RBM17: variants seen among roughly 807,000 people sequenced by gnomAD.
RBM17 encodes the protein splicing factor 45.
Under a neutral mutation model 53.2 loss-of-function variants are expected in RBM17, and 7 were observed. The ratio of observed to expected loss-of-function variants is 0.13; its 90% CI spans 0.07 to 0.25. The LOEUF (loss-of-function observed/expected upper bound fraction) is 0.25, where lower values mean the gene tolerates loss of function less well. Among genes scored for constraint, RBM17 ranks in the 10% least tolerant of loss-of-function variants. The pLI is 1.00. For missense variants in RBM17, 257 were observed against 496.7 expected, an observed-to-expected ratio of 0.52 and a Z score of 4.59; for synonymous variants, 167 against 178.1, an observed-to-expected ratio of 0.94 and a Z score of 0.50.
chr10:6,092,943 A>G (rs1840509833), intron 1 of RBM17, among the ~76,000 whole-genome samples: 1 of 152,260 alleles, frequency 6.6e-6, no homozygotes, highest in Non-Finnish European at 1.5e-5. Flanking sequence ...TGGAATTGTC[A>G]GTCAGCCATC....
In RBM17 at chr10:6,089,897, G is replaced by A. The variant is rs1488739173; in HGVS notation, c.-19+704G>A. The A allele has an allele frequency of 6.6e-6, 1 of 152,366 alleles. No homozygotes were observed. Among genetic ancestry groups the A allele is most frequent in the African/African-American group, 2.4e-5 (1 of 41,440 alleles). The allele number at this position is 152,366 out of a possible 1,614,324, so 9.4% of individuals were successfully genotyped here. On this transcript the variant is annotated intron_variant, in intron 1 of 11. Transcript: ENST00000379888. This position sits in a 1 kb window ranked among gnomAD's most constrained non-coding sequence, Gnocchi z 5.6. Reference sequence around the variant, plus strand: ...AGGCGTGAAAACCCAGGCCCGGGTTGATTTGAGAAACGCAAGTGGGGTCTG... The same window carrying A: ...AGGCGTGAAAACCCAGGCCCGGGTTAATTTGAGAAACGCAAGTGGGGTCTG...
intron 1 of RBM17, chr10:6,096,809 C>G (rs1421223056): frequency 4.1e-6 from 1 of 241,700 alleles, no homozygotes; most frequent in Non-Finnish European, 8.0e-6. Context: ...ACTCATGGAT[C>G]ACTTGACTGC....
At chr10:6,113,465 C>A in intron 8 of RBM17, 43 bp from the exon 9 acceptor site, 1 of 1,305,270 alleles carries the variant, frequency 7.7e-7, no homozygotes, top group South Asian at 1.2e-5. Flanking sequence ...TAATGATATG[C>A]TGCTCAGTTC....
At chr10:6,108,558 T>C in intron 5 of RBM17, 128 bp from the exon 6 acceptor site, 1 of 620,198 alleles carries the variant, frequency 1.6e-6, no homozygotes, top group Non-Finnish European at 2.9e-6. Flanking sequence ...GGAGGTCATC[T>C]GAAGTAGCAG....
At chr10:6,105,820 T>C (rs1007082146) in intron 4 of RBM17, among the ~76,000 whole-genome samples, 1 of 152,254 alleles carries the variant, frequency 6.6e-6, no homozygotes, top group Non-Finnish European at 1.5e-5. Flanking sequence ...GAAAGTGTTA[T>C]AGACTATTGA....
rs1209033483 is a variant in RBM17, at chr10:6,117,429, A to G, written c.*1873A>G. The G allele has an allele frequency of 6.6e-6, 1 of 152,136 alleles. No individual in the cohort carries two copies. The highest frequency in any genetic ancestry group is 6.5e-5 in the Admixed American group (1 of 15,276). 9.4% of individuals were successfully genotyped at this position (152,136 alleles called of 1,614,324 possible). ...AAATTTTAAATTTCAATAAAAATTA[A>G]AAATTATGTAAGCTACAATGTAACT... On this transcript the variant is annotated 3_prime_UTR_variant, in exon 12 of 12. Transcript: ENST00000379888.
intron 7 of RBM17, 111 bp downstream of exon 7, chr10:6,110,238 T>TGTGCAG (rs1445989108): frequency 1.0e-6 from 1 of 959,252 alleles, no homozygotes; most frequent in Non-Finnish European, 1.5e-6. Context: ...ACCCTTGGTG[T>TGTGCAG]GTGCAGGTCA....
chr10:6,094,490 T>A (rs896870053), intron 1 of RBM17, among the ~76,000 whole-genome samples: 1 of 152,220 alleles, frequency 6.6e-6, no homozygotes, highest in Non-Finnish European at 1.5e-5. Flanking sequence ...TCCCTTTCCA[T>A]TTTAAGAATA....
chr10:6,095,091 G>A (rs1840552429), intron 1 of RBM17, among the ~76,000 whole-genome samples: 1 of 152,126 alleles, frequency 6.6e-6, no homozygotes, highest in African/African-American at 2.4e-5. Context: ...ATTTTTTCTT[G>A]ATTTGGCCTC....
intron 4 of RBM17, among the ~76,000 whole-genome samples, chr10:6,105,811 A>T (rs1840740423): frequency 6.6e-6 from 1 of 152,244 alleles, no homozygotes; most frequent in Admixed American, 6.5e-5. Context: ...TTCATGAGTG[A>T]AAGTGTTATA....
intron 2 of RBM17, among the ~76,000 whole-genome samples, chr10:6,100,580 G>GTGATGA (rs1004416806): frequency 9.2e-5 from 14 of 152,120 alleles, no homozygotes; most frequent in African/African-American, 3.4e-4. Context: ...GAAGATGATG[G>GTGATGA]TGATGATGAT....
chr10:6,100,732 T>C (rs1172246879), intron 2 of RBM17, among the ~76,000 whole-genome samples: 1 of 152,138 alleles, frequency 6.6e-6, no homozygotes, highest in African/African-American at 2.4e-5. Context: ...GAATGTGAAC[T>C]GGATGGGAAA....
intron 1 of RBM17, among the ~76,000 whole-genome samples, chr10:6,095,789 C>A (rs377467794): frequency 1.3e-5 from 2 of 152,198 alleles, no homozygotes; most frequent in Non-Finnish European, 1.5e-5. Flanking sequence ...CTCCGTCCCC[C>A]ACTCCACACA....
intron 10 of RBM17, 108 bp downstream of exon 10, chr10:6,114,255 G>T (rs1473337191): frequency 3.2e-6 from 2 of 629,882 alleles, no homozygotes; most frequent in East Asian, 5.9e-5. Context: ...TCTTACTGCA[G>T]AAGGTGACAG....
At chr10:6,110,792 C>T (rs1056974486) in intron 7 of RBM17, among the ~76,000 whole-genome samples, 1 of 152,176 alleles carries the variant, frequency 6.6e-6, no homozygotes, top group Non-Finnish European at 1.5e-5. Flanking sequence ...AGAAATGCAG[C>T]CGGTGAGACA....
At chr10:6,092,617 ATAAT>A (rs1322940182) in intron 1 of RBM17, among the ~76,000 whole-genome samples, 7 of 152,192 alleles carry the variant, frequency 4.6e-5, no homozygotes, top group South Asian at 2.1e-4. Flanking sequence ...CAGCATTATA[ATAAT>A]TAAACAAAAG....
chr10:6,115,587 G>A lies in RBM17; in HGVS notation c.*31G>A. The A allele has an allele frequency of 7.4e-7, 1 of 1,355,670 alleles. No individual in the cohort carries two copies. Among genetic ancestry groups the A allele is most frequent in the Non-Finnish European group, 1.1e-6 (1 of 946,290 alleles). 84.0% of individuals were successfully genotyped at this position (1,355,670 alleles called of 1,614,324 possible). ...AGAACTAGAGCACGAGTCATCTCCG[G>A]TGATCCTTAAATGAACTGCAGGCTG... is the stretch of plus-strand genomic sequence containing the variant. On this transcript the variant is annotated 3_prime_UTR_variant, in exon 12 of 12. Transcript: ENST00000379888.
intron 1 of RBM17, among the ~76,000 whole-genome samples, chr10:6,096,597 C>T (rs1182039816): frequency 6.6e-6 from 1 of 152,136 alleles, no homozygotes; most frequent in African/African-American, 2.4e-5. Flanking sequence ...TCATTTCTGT[C>T]ATTTTTTTCC....
At chr10:6,098,387 A>T (rs1468500241) in intron 2 of RBM17, among the ~76,000 whole-genome samples, 1 of 152,074 alleles carries the variant, frequency 6.6e-6, no homozygotes, top group African/African-American at 2.4e-5. Context: ...CGATAAGATG[A>T]TGTCATTTTT....
Sources: gnomAD v4.1 joint callset for allele counts (sites outside exome capture counted in the v4.1 genomes callset) on GRCh38, gnomAD v4.1.1 for gene constraint, Gnocchi (gnomAD v3.1) non-coding constraint, MANE v1.5 for transcripts, NCBI Gene and HGNC (gene_info 2026-07-23, HGNC 2026-07-21) for gene names.